The following ADARB2 variants were observed in gnomAD, a reference collection of about 807,000 sequenced individuals.
ADARB2 encodes the protein inactive double-stranded RNA-specific editase B2.
Under a neutral mutation model 62.2 loss-of-function variants are expected in ADARB2, and 25 were observed. The ratio of observed to expected loss-of-function variants is 0.40; its 90% confidence interval spans 0.29 to 0.56. ADARB2 has a LOEUF of 0.56. ADARB2 is among the 20% of genes least tolerant of loss of function. ADARB2 has a pLI of 0.43. For synonymous variants in ADARB2, 572 were observed against 500.8 expected (o/e 1.14, Z -1.90); for missense variants, 1,071 against 1,077.4 (o/e 0.99, Z 0.08).
chr10:1,422,368 G>A (rs1224806975), intron 1 of ADARB2, among the ~76,000 whole-genome samples: 1 of 152,208 alleles, frequency 6.6e-6, no homozygotes, highest in African/African-American at 2.4e-5. Flanking sequence ...GGGAGTGAGA[G>A]GGAGGCACTG....
intron 1 of ADARB2, among the ~76,000 whole-genome samples, chr10:1,441,782 T>A (rs1329926159): frequency 6.6e-6 from 1 of 152,240 alleles, no homozygotes; most frequent in East Asian, 1.9e-4. Context: ...ACATTGATAA[T>A]AGGATATTCA....
At chr10:1,302,105 C>T (rs1222754542) in intron 3 of ADARB2, among the ~76,000 whole-genome samples, 1 of 152,222 alleles carries the variant, frequency 6.6e-6, no homozygotes, top group South Asian at 2.1e-4. Flanking sequence ...TCTGCATTTC[C>T]ATCTGAGGTA....
intron 1 of ADARB2, among the ~76,000 whole-genome samples, chr10:1,418,438 A>C (rs1349431883): frequency 1.3e-5 from 2 of 152,154 alleles, no homozygotes; most frequent in Non-Finnish European, 2.9e-5. Context: ...GCCTTGTTGT[A>C]TGTGGGTTCT....
chr10:1,716,973 A>G (rs1281905840), intron 1 of ADARB2, among the ~76,000 whole-genome samples: 1 of 152,098 alleles, frequency 6.6e-6, no homozygotes, highest in South Asian at 2.1e-4. Context: ...ATTCCTAGAG[A>G]GCATTAGAGA....
At chr10:1,220,270 ATGATGGTAATGGTGATGGTGGTGG>A (rs201187063) in intron 6 of ADARB2, among the ~76,000 whole-genome samples, 21 of 119,908 alleles carry the variant, frequency 1.8e-4, no homozygotes, top group East Asian at 5.9e-4. Context: ...GATGGTGGTG[ATGATGGTAATGGTGATGGTGGTGG>A]TGATGGTGGT....
intron 1 of ADARB2, among the ~76,000 whole-genome samples, chr10:1,475,835 G>A (rs766908244): frequency 2.0e-5 from 3 of 152,152 alleles, no homozygotes; most frequent in African/African-American, 2.4e-5. Context: ...AAAGGCCACC[G>A]GCAATGAGGA....
chr10:1,624,580 G>C (rs1833743909), intron 1 of ADARB2, among the ~76,000 whole-genome samples: 1 of 152,146 alleles, frequency 6.6e-6, no homozygotes, highest in South Asian at 2.1e-4. Flanking sequence ...AAACTCACGA[G>C]GTTATGACAA....
intron 1 of ADARB2, among the ~76,000 whole-genome samples, chr10:1,549,408 T>A (rs1202422166): frequency 6.6e-6 from 1 of 152,090 alleles, no homozygotes. Flanking sequence ...TGTTATTTGA[T>A]TATTCCAAAG....
intron 1 of ADARB2, among the ~76,000 whole-genome samples, chr10:1,519,359 A>G (rs2813448): frequency 0.42 from 63,445 of 151,958 alleles, 13,388 homozygotes; most frequent in African/African-American, 0.45. Flanking sequence ...GTGGTCATAC[A>G]CATGCATTCT....
At chr10:1,305,542 A>C (rs1831618991) in intron 3 of ADARB2, among the ~76,000 whole-genome samples, 1 of 152,164 alleles carries the variant, frequency 6.6e-6, no homozygotes, top group Admixed American at 6.5e-5. Context: ...ATCCTCCCTA[A>C]CTCATTTTAG....
In ADARB2 at chr10:1,348,064, G is replaced by A. The variant is rs142670862; in HGVS notation, c.1077+14964C>T. ...GACAGAAGAGGGAGACAGAGACAGA[G>A]CGAAACAGAGACAGTGGGAATGTGA... On this transcript the variant is annotated intron_variant, in intron 3 of 9. Transcript: ENST00000381312. Among the ~76,000 whole-genome samples the A allele has an allele frequency of 2.9e-4, 44 of 152,078 alleles. No individual in the cohort carries two copies. In the Middle Eastern group the frequency reaches 0.017, roughly 59 times the overall value.
In ADARB2 at chr10:1,737,218, A is replaced by AGCC. The variant is rs903473807; in HGVS notation, c.-71_-69dup. ...CACCTGCACCTGCCTCCTTCCCGGC[A>AGCC]GCCGCCGCCGCCGCTGCTGCGAAGC... On this transcript the variant is annotated 5_prime_UTR_variant, in exon 1 of 10. Transcript: ENST00000381312. 2.6e-5 allele frequency: 39 copies of AGCC among 1,527,750 alleles called. No homozygotes were observed. The highest frequency in any genetic ancestry group is 2.5e-4 in the Admixed American group (15 of 59,100). 94.6% of individuals were successfully genotyped at this position (1,527,750 alleles called of 1,614,324 possible).
intron 6 of ADARB2, among the ~76,000 whole-genome samples, chr10:1,219,772 A>G (rs1830665980): frequency 6.8e-6 from 1 of 147,192 alleles, no homozygotes; most frequent in Admixed American, 6.8e-5. Flanking sequence ...GGCGGTGGAG[A>G]CGGTGATATG....
intron 1 of ADARB2, among the ~76,000 whole-genome samples, chr10:1,457,348 C>T (rs1831107045): frequency 6.6e-6 from 1 of 152,134 alleles, no homozygotes; most frequent in Admixed American, 6.5e-5. Flanking sequence ...GTTCCGAGTT[C>T]GCTGGGACAA....
Position 1,228,248 on chromosome 10 carries a change from C to A in ADARB2, c.1513+5446G>T, listed in dbSNP as rs556879243. ...CTGGACACAGACTGGAGAATTTAAGCTGCTAAGTTCTCAGAAAATGGCTGT... is the reference window on the plus strand; with the variant it reads ...CTGGACACAGACTGGAGAATTTAAGATGCTAAGTTCTCAGAAAATGGCTGT... On this transcript the variant is annotated intron_variant, in intron 6 of 9. Coordinates refer to ENST00000381312, the MANE Select transcript of ADARB2 (RefSeq NM_018702.4). Among the ~76,000 whole-genome samples, 217 of 152,264 alleles carry A rather than the reference C, an allele frequency of 1.4e-3. 2 individuals are homozygous for A. Among genetic ancestry groups the A allele is most frequent in the African/African-American group, 5.0e-3 (207 of 41,550 alleles).
chr10:1,654,234 C>G (rs1407052052), intron 1 of ADARB2, among the ~76,000 whole-genome samples: 1 of 152,210 alleles, frequency 6.6e-6, no homozygotes, highest in Non-Finnish European at 1.5e-5. Flanking sequence ...ATGTAGTTTT[C>G]TGGTTGCCTG....
At chr10:1,355,289 T>G (rs1330630249) in intron 3 of ADARB2, among the ~76,000 whole-genome samples, 1 of 152,208 alleles carries the variant, frequency 6.6e-6, no homozygotes, top group Non-Finnish European at 1.5e-5. Flanking sequence ...CCTAAAGCCC[T>G]TGGGGGCTGG....
intron 3 of ADARB2, among the ~76,000 whole-genome samples, chr10:1,339,723 T>C (rs989731119): frequency 2.0e-5 from 3 of 152,180 alleles, no homozygotes; most frequent in African/African-American, 7.2e-5. Context: ...CTCTGGCCCC[T>C]GCTCTGAAGC....
At chr10:1,691,455 C>T (rs922498859) in intron 1 of ADARB2, among the ~76,000 whole-genome samples, 1 of 152,176 alleles carries the variant, frequency 6.6e-6, no homozygotes, top group Non-Finnish European at 1.5e-5. Flanking sequence ...CTATGTCCTT[C>T]TTCTCTGCAC....
Sources: allele counts gnomAD v4.1 joint callset (sites outside exome capture counted in the v4.1 genomes callset), GRCh38; gene constraint gnomAD v4.1.1; transcripts MANE v1.5; gene names NCBI Gene and HGNC (gene_info 2026-07-23, HGNC 2026-07-21).